SMG6: variants seen among roughly 807,000 people sequenced by gnomAD.
SMG6 encodes SMG6 nonsense mediated mRNA decay factor, also known as telomerase-binding protein EST1A.
Under a neutral mutation model 142.2 loss-of-function variants are expected in SMG6, and 66 were observed. That is an observed-to-expected ratio of 0.46 (90% CI 0.38 to 0.57). The LOEUF is 0.57. Among genes scored for constraint, SMG6 ranks in the 20% least tolerant of loss-of-function variants. The pLI is 0.00. For missense variants in SMG6, 1,793 were observed against 1,832.0 expected, an observed-to-expected ratio of 0.98 and a Z score of 0.39; for synonymous variants, 779 against 702.4, an observed-to-expected ratio of 1.11 and a Z score of -1.72.
chr17:2,096,840 C>T (rs1019351070), intron 13 of SMG6, among the ~76,000 whole-genome samples: 1 of 144,444 alleles, frequency 6.9e-6, no homozygotes, highest in Admixed American at 6.6e-5. Flanking sequence ...CCACAGGAAC[C>T]TCACACTAAC....
At chr17:2,301,196 T>C (rs2075270681) in intron 1 of SMG6, among the ~76,000 whole-genome samples, 1 of 152,126 alleles carries the variant, frequency 6.6e-6, no homozygotes, top group Non-Finnish European at 1.5e-5. Context: ...TGGACATCTC[T>C]GGAGAAAAAA....
At chr17:2,228,474 G>A (rs1418608693) in intron 10 of SMG6, among the ~76,000 whole-genome samples, 2 of 151,868 alleles carry the variant, frequency 1.3e-5, no homozygotes, top group South Asian at 2.1e-4. Context: ...TGATCCACCC[G>A]CCTCAGCCTC....
intron 10 of SMG6, among the ~76,000 whole-genome samples, chr17:2,227,568 G>C (rs560366844): frequency 6.6e-6 from 1 of 152,316 alleles, no homozygotes; most frequent in South Asian, 2.1e-4. Context: ...CAGTCGCCTA[G>C]GGCAAGGGGT....
intron 8 of SMG6, among the ~76,000 whole-genome samples, chr17:2,262,352 AG>A (rs1221567820): frequency 6.6e-6 from 1 of 152,250 alleles, no homozygotes; most frequent in Non-Finnish European, 1.5e-5. Flanking sequence ...TTCACTTCTA[AG>A]CTTGAGCCAA....
Position 2,300,342 on chromosome 17 carries a change from TC to T in SMG6, c.410del (p.Arg137LysfsTer36), listed in dbSNP as rs2075252136. The T allele has an allele frequency of 3.7e-6, 6 of 1,613,786 alleles. No homozygotes were observed. Among genetic ancestry groups the T allele is most frequent in the Non-Finnish European group, 5.1e-6 (6 of 1,180,044 alleles). On this transcript the variant is annotated frameshift_variant, in exon 2 of 19. Coordinates refer to ENST00000263073, the MANE Select transcript of SMG6 (RefSeq NM_017575.5). LOFTEE classifies it high-confidence loss of function. Reference protein sequence around the residue: ...QEDRSLKIIKRTKKPDLQIYQ... With the variant: ...QEDRSLKIIKXTKKPDLQIYQ... Reference sequence around the variant, plus strand: ...AGATCTGCAGGTCGGGTTTCTTTGTTCTTTTGATAATTTTTAGACTACGATC... The same window carrying T: ...AGATCTGCAGGTCGGGTTTCTTTGTTTTTTGATAATTTTTAGACTACGATC...
In SMG6 at chr17:2,258,026, A is replaced by AT. The variant is rs1264955048; in HGVS notation, c.2662-13308_2662-13307insA. Among the ~76,000 whole-genome samples, 230 of 88,192 alleles carry AT rather than the reference A, an allele frequency of 2.6e-3. 2 individuals are homozygous for AT. Among genetic ancestry groups the AT allele is most frequent in the Middle Eastern group, 5.7e-3 (1 of 176 alleles). 57.9% of individuals were successfully genotyped at this position (88,192 alleles called of 152,430 possible). On this transcript the variant is annotated intron_variant, in intron 8 of 18. Transcript: ENST00000263073. The stretch of plus-strand genomic sequence containing the variant: ...TCTGTCGCAAAAAAAAAAAAAAAAA[A>AT]AAAAAAAAATATACACACACACACA...
intron 16 of SMG6, among the ~76,000 whole-genome samples, chr17:2,067,906 A>C (rs992037336): frequency 3.3e-5 from 5 of 152,206 alleles, no homozygotes; most frequent in Non-Finnish European, 7.3e-5. Flanking sequence ...GCAGACTGCC[A>C]GTCTGGTGGC....
chr17:2,183,693 C>A (rs1293649807), intron 12 of SMG6, among the ~76,000 whole-genome samples: 1 of 150,374 alleles, frequency 6.7e-6, no homozygotes, highest in Non-Finnish European at 1.5e-5. Context: ...AAAATGTAAA[C>A]CATTATTAGC....
intron 13 of SMG6, among the ~76,000 whole-genome samples, chr17:2,160,620 A>G (rs2071147140): frequency 1.3e-5 from 2 of 152,144 alleles, no homozygotes; most frequent in African/African-American, 4.8e-5. Context: ...ACCTAAACCT[A>G]GGAGTTCAAG....
intron 8 of SMG6, among the ~76,000 whole-genome samples, chr17:2,278,003 A>G (rs2074699883): frequency 6.6e-6 from 1 of 152,126 alleles, no homozygotes; most frequent in South Asian, 2.1e-4. Flanking sequence ...GGCCGTGACC[A>G]TGCCACCGCA....
intron 1 of SMG6, among the ~76,000 whole-genome samples, chr17:2,301,358 T>G (rs1377245258): frequency 6.6e-6 from 1 of 152,176 alleles, no homozygotes; most frequent in Admixed American, 6.5e-5. Flanking sequence ...TAACAGTAGC[T>G]CACAGAGTTA....
At chr17:2,268,802 C>A (rs1187034515) in intron 8 of SMG6, among the ~76,000 whole-genome samples, 3 of 150,818 alleles carry the variant, frequency 2.0e-5, no homozygotes, top group Non-Finnish European at 4.4e-5. Flanking sequence ...GTCCCAGCTA[C>A]TTGGGAGGCT....
At chr17:2,091,884 G>C (rs929097350) in intron 13 of SMG6, among the ~76,000 whole-genome samples, 2 of 150,756 alleles carry the variant, frequency 1.3e-5, no homozygotes, top group Non-Finnish European at 3.0e-5. Context: ...AGGTTTCACC[G>C]TGTTAGCCAG....
chr17:2,135,228 A>G (rs2070256273), intron 13 of SMG6, among the ~76,000 whole-genome samples: 1 of 152,244 alleles, frequency 6.6e-6, no homozygotes. Flanking sequence ...ATATTTATGA[A>G]GCACAATGTG....
At chr17:2,097,329 T>A (rs116631418) in intron 13 of SMG6, among the ~76,000 whole-genome samples, 1,523 of 151,956 alleles carry the variant, frequency 0.01, 26 homozygotes, top group African/African-American at 0.035. Flanking sequence ...AATTTCAGGG[T>A]TTCACCATGT....
intron 13 of SMG6, among the ~76,000 whole-genome samples, chr17:2,161,107 T>C (rs922674309): frequency 1.7e-5 from 1 of 58,930 alleles, no homozygotes; most frequent in Non-Finnish European, 3.1e-5. Flanking sequence ...AACTGACCCT[T>C]TTTTTTTTTT....
At position 2,068,781 on chromosome 17, in the gene SMG6, T is replaced by G; in HGVS notation, c.3832A>C (p.Ile1278Leu). Residue 1278 changes from isoleucine to leucine, a missense_variant, in exon 16 of 19, where the codon ATC becomes CTC. Physicochemically the swap from Ile to Leu is conservative, Grantham distance 5. Transcript: ENST00000263073. The surrounding 1 kb of genome is among the most constrained non-coding windows in gnomAD (Gnocchi z 6.7). ...CTGCCCTTCCCGCCTGACTCACCGA[T>G]GAGGGGCACCACCAGGATGTACTTC... ...SRKYILVVPL[I>L]VINELDGLAK... is the part of the protein sequence containing the mutation. The G allele has an allele frequency of 6.2e-7, 1 of 1,613,924 alleles. No individual in the cohort carries two copies. The highest frequency in any genetic ancestry group is 8.5e-7 in the Non-Finnish European group (1 of 1,179,894).
At chr17:2,081,691 A>G in intron 15 of SMG6, 119 bp downstream of exon 15, 1 of 1,211,306 alleles carries the variant, frequency 8.3e-7, no homozygotes, top group Non-Finnish European at 1.2e-6. Flanking sequence ...AGCTAGAGAG[A>G]ACACTGCAGG....
intron 10 of SMG6, among the ~76,000 whole-genome samples, chr17:2,209,236 G>T (rs2072776891): frequency 3.9e-5 from 6 of 152,172 alleles, no homozygotes; most frequent in Admixed American, 3.9e-4. Flanking sequence ...TATTGAGATG[G>T]AGTCTCCCCT....
Sources: allele counts gnomAD v4.1 joint callset (sites outside exome capture counted in the v4.1 genomes callset), GRCh38; gene constraint gnomAD v4.1.1; non-coding constraint Gnocchi (gnomAD v3.1); transcripts MANE v1.5; gene names NCBI Gene and HGNC (gene_info 2026-07-23, HGNC 2026-07-21).